Variants in PRTFDC1 observed in about 807,000 individuals in gnomAD.
PRTFDC1 encodes phosphoribosyltransferase domain-containing protein 1.
A neutral mutation model predicts 34.6 loss-of-function variants in PRTFDC1; 38 were observed. The observed-to-expected ratio is 1.10, with a 90% CI of 0.85 to 1.44. The LOEUF (loss-of-function observed/expected upper bound fraction) is 1.44. Among genes scored for constraint, PRTFDC1 ranks in the 40% most tolerant of loss-of-function variants. The pLI, the probability that PRTFDC1 is intolerant of heterozygous loss-of-function variation, is 0.00. For synonymous variants in PRTFDC1, 93 were observed against 98.1 expected (o/e 0.95, Z 0.31); for missense variants, 270 against 283.0 (o/e 0.95, Z 0.33).
intron 3 of PRTFDC1, among the ~76,000 whole-genome samples, chr10:24,886,603 G>T (rs1248728636): frequency 6.6e-6 from 1 of 152,154 alleles, no homozygotes; most frequent in Non-Finnish European, 1.5e-5. Context: ...CTAAGAGTCT[G>T]TGTTTCTTTC....
In PRTFDC1 at chr10:24,942,340, T is replaced by C; in HGVS notation, c.145A>G (p.Ile49Val). The change falls in exon 2 of 9, where the codon ATT becomes GTT. Residue 49 changes from isoleucine to valine, a missense_variant. Physicochemically the swap from Ile to Val is conservative, Grantham distance 29. Transcript: ENST00000320152. The stretch of plus-strand genomic sequence containing the variant: ...GGAAATCACACTCACCTGTCCACAA[T>C]GATACCATGAGGGATGAGGACATAC... ...LEYVLIPHGIIVDRIERLAKD... is the reference protein window; with the variant it reads ...LEYVLIPHGIVVDRIERLAKD... The C allele has an allele frequency of 6.2e-7, 1 of 1,610,582 alleles. No homozygotes were observed. Among genetic ancestry groups the C allele is most frequent in the Non-Finnish European group, 8.5e-7 (1 of 1,176,714 alleles).
Position 24,922,828 on chromosome 10 carries a change from A to T in PRTFDC1, c.339+14356T>A, listed in dbSNP as rs527558078. On this transcript the variant is annotated intron_variant, in intron 3 of 8. Coordinates refer to ENST00000320152, the MANE Select transcript of PRTFDC1 (RefSeq NM_020200.7). ...GGTGCGGCCCATAGGGGGCAAGCCGAAGTGGGGTGGGGCATTGCCTCACCT... is the reference window on the plus strand; with the variant it reads ...GGTGCGGCCCATAGGGGGCAAGCCGTAGTGGGGTGGGGCATTGCCTCACCT... Among the ~76,000 whole-genome samples, 649 of 152,274 alleles carry T rather than the reference A, an allele frequency of 4.3e-3. 4 individuals are homozygous for T. Among genetic ancestry groups the T allele is most frequent in the Middle Eastern group, 0.031 (9 of 294 alleles).
intron 3 of PRTFDC1, among the ~76,000 whole-genome samples, chr10:24,898,324 C>T (rs1251352125): frequency 6.7e-6 from 1 of 149,206 alleles, no homozygotes; most frequent in Non-Finnish European, 1.5e-5. Flanking sequence ...ATTAGCTGGG[C>T]CTGGTGGCGC....
intron 4 of PRTFDC1, among the ~76,000 whole-genome samples, chr10:24,862,191 C>T (rs1430357448): frequency 6.6e-6 from 1 of 152,076 alleles, no homozygotes; most frequent in Non-Finnish European, 1.5e-5. Context: ...ACTATTATAA[C>T]ATCCAACAAA....
At chr10:24,948,563 A>T (rs1396503588) in intron 1 of PRTFDC1, among the ~76,000 whole-genome samples, 1 of 152,212 alleles carries the variant, frequency 6.6e-6, no homozygotes, top group Non-Finnish European at 1.5e-5. Flanking sequence ...TATAGGCAAG[A>T]GCCATCTTAA....
intron 7 of PRTFDC1, among the ~76,000 whole-genome samples, chr10:24,852,810 C>A (rs1466009519): frequency 1.3e-5 from 2 of 152,038 alleles, no homozygotes; most frequent in African/African-American, 4.8e-5. Flanking sequence ...GGCTTATAGC[C>A]TGGGCAAAGT....
chr10:24,856,515 G>T (rs955048858), intron 6 of PRTFDC1, among the ~76,000 whole-genome samples: 2 of 151,996 alleles, frequency 1.3e-5, no homozygotes, highest in South Asian at 2.1e-4. Flanking sequence ...TTGAACCCAG[G>T]GGGTGGAGGT....
intron 3 of PRTFDC1, among the ~76,000 whole-genome samples, chr10:24,925,753 TG>T (rs1481103400): frequency 6.6e-6 from 1 of 152,206 alleles, no homozygotes; most frequent in African/African-American, 2.4e-5. Flanking sequence ...CCCTCCTAAC[TG>T]TTAAGTCACT....
rs557432895 is a variant in PRTFDC1 at position 24,915,909 on chromosome 10, G to A, written c.339+21275C>T. ...TAAATCCCTTCTATACATTGACCAC[G>A]TTTAAACAAACATCTTAATCCTCTG... On this transcript the variant is annotated intron_variant, in intron 3 of 8. Coordinates refer to ENST00000320152, the MANE Select transcript of PRTFDC1 (RefSeq NM_020200.7). 5.3e-5 allele frequency among the ~76,000 whole-genome samples: 8 copies of A among 152,166 alleles called. No individual in the cohort carries two copies. In the South Asian group the frequency reaches 1.5e-3, roughly 28 times the overall value.
intron 3 of PRTFDC1, among the ~76,000 whole-genome samples, chr10:24,909,418 T>A (rs1162142441): frequency 6.6e-6 from 1 of 152,242 alleles, no homozygotes; most frequent in Non-Finnish European, 1.5e-5. Flanking sequence ...TTCATTTAGT[T>A]GTTTGCAAGT....
At chr10:24,850,110 C>T (rs537459203) in intron 8 of PRTFDC1, among the ~76,000 whole-genome samples, 20 of 152,188 alleles carry the variant, frequency 1.3e-4, no homozygotes, top group African/African-American at 4.8e-4. Flanking sequence ...ATTCTGAATC[C>T]GGCTCCCCAG....
At position 24,863,162 on chromosome 10, in the gene PRTFDC1, G is replaced by A. The variant is rs551322368; in HGVS notation, c.406-4753C>T. Among the ~76,000 whole-genome samples the A allele has an allele frequency of 1.7e-4, 26 of 152,262 alleles. No individual in the cohort carries two copies. The South Asian group carries it at 5.4e-3, about 32-fold the overall frequency. On this transcript the variant is annotated intron_variant, in intron 4 of 8. Transcript: ENST00000320152. ...CAAAGTGCTGGGATTAGAGGTGTGA[G>A]TCACTGTGACGCCCCCTAGACTGAC...
intron 3 of PRTFDC1, among the ~76,000 whole-genome samples, chr10:24,888,599 A>G (rs1032594683): frequency 1.3e-4 from 20 of 152,270 alleles, no homozygotes; most frequent in African/African-American, 4.8e-4. Flanking sequence ...GCTGCCTTTT[A>G]ATTCTATGAG....
chr10:24,869,132 G>C (rs1847835918), intron 4 of PRTFDC1, among the ~76,000 whole-genome samples: 1 of 151,904 alleles, frequency 6.6e-6, no homozygotes, highest in South Asian at 2.1e-4. Context: ...GGGCTTATTT[G>C]TTCTATCTAA....
intron 3 of PRTFDC1, chr10:24,908,273 C>T (rs148753101): frequency 2.3e-3 from 1,207 of 527,000 alleles, no homozygotes; most frequent in Non-Finnish European, 3.1e-3. Flanking sequence ...CTGTCTTTTA[C>T]GGAATAAAGA....
At chr10:24,945,188 C>T (rs1849233991) in intron 1 of PRTFDC1, among the ~76,000 whole-genome samples, 1 of 152,226 alleles carries the variant, frequency 6.6e-6, no homozygotes, top group South Asian at 2.1e-4. Flanking sequence ...TCTGTCAGAA[C>T]ATGAGCTCCT....
In PRTFDC1 at chr10:24,939,537, A is replaced by G. The variant is rs189386847; in HGVS notation, c.156-2170T>C. On this transcript the variant is annotated intron_variant, in intron 2 of 8. Coordinates refer to ENST00000320152, the MANE Select transcript of PRTFDC1 (RefSeq NM_020200.7). ...AGCTCACTTTATGGCTTACACCTAT[A>G]ATCCCAGCACTTTGGGAGGCCAAGG... Among the ~76,000 whole-genome samples, 258 of 152,140 alleles carry G rather than the reference A, an allele frequency of 1.7e-3. 4 individuals carry two copies. The highest frequency in any genetic ancestry group is 6.0e-3 in the African/African-American group (251 of 41,518).
intron 3 of PRTFDC1, among the ~76,000 whole-genome samples, chr10:24,884,864 G>A (rs1206537666): frequency 6.6e-6 from 1 of 152,170 alleles, no homozygotes; most frequent in Non-Finnish European, 1.5e-5. Context: ...GGCTCAGAAG[G>A]TATAGTCTTG....
intron 3 of PRTFDC1, among the ~76,000 whole-genome samples, chr10:24,897,449 G>A (rs779234581): frequency 3.9e-5 from 6 of 152,174 alleles, no homozygotes; most frequent in African/African-American, 1.4e-4. Flanking sequence ...AATTAAGAAG[G>A]TTGTGGTATT....
Sources: allele counts gnomAD v4.1 joint callset (sites outside exome capture counted in the v4.1 genomes callset), GRCh38; gene constraint gnomAD v4.1.1; transcripts MANE v1.5; gene names NCBI Gene and HGNC (gene_info 2026-07-23, HGNC 2026-07-21).